Variants in CLDN5 observed in about 807,000 individuals in gnomAD.
CLDN5 encodes the protein claudin-5.
Under a neutral mutation model 1.3 loss-of-function variants are expected in CLDN5, and 4 were observed. The observed-to-expected ratio is 3.07, with a 90% confidence interval of 1.51 to 7.03. The LOEUF (loss-of-function observed/expected upper bound fraction) is 7.03, where lower values mean the gene tolerates loss of function less well. CLDN5 is among the 30% of genes most tolerant of loss of function. The pLI is 0.00. For synonymous variants in CLDN5, 156 were observed against 152.3 expected, an observed-to-expected ratio of 1.02 and a Z score of -0.18; for missense variants, 225 against 303.5, an observed-to-expected ratio of 0.74 and a Z score of 1.92.
chr22:19,524,035 C>T lies in CLDN5; in HGVS notation c.221G>A (p.Ser74Asn), dbSNP rs1025878210. ...CGCCCGCGCCGCCTGCACCTCGGTG[C>T]TCAGAGCCAGCACCGAGTCGTACAC... is the stretch of plus-strand genomic sequence containing the variant. The part of the protein sequence containing the change: ...CKVYDSVLAL[S>N]TEVQAARALT... The change falls in exon 1 of 1, where the codon AGC becomes AAC. Residue 74 changes from serine (S) to asparagine (N), a missense_variant. This residue lies in a region of CLDN5 where 165 missense variants were observed against 211.9 expected (regional missense o/e 0.78). Coordinates refer to ENST00000618236, the MANE Select transcript of CLDN5 (RefSeq NM_001363066.2). 3 of 1,600,494 alleles carry T rather than the reference C, an allele frequency of 1.9e-6. No homozygotes were observed. The highest frequency in any genetic ancestry group is 2.5e-6 in the Non-Finnish European group (3 of 1,178,668).
rs1180042967 is a variant in CLDN5 at position 19,524,296 on chromosome 22, C to A, written c.-41G>T. On this transcript the variant is annotated 5_prime_UTR_variant, in exon 1 of 1. Coordinates refer to ENST00000618236, the MANE Select transcript of CLDN5 (RefSeq NM_001363066.2). ...GCGCACCCGAAGGCCCGCAGAACCC[C>A]CAAGGCCGTGCTGCGCGGCGCCCTG... is the stretch of plus-strand genomic sequence containing the variant. The A allele has an allele frequency of 6.5e-7, 1 of 1,538,540 alleles. No individual in the cohort carries two copies. The highest frequency in any genetic ancestry group is 1.2e-5 in the South Asian group (1 of 83,404).
rs2095898547 is a variant in CLDN5 at position 19,524,395 on chromosome 22, AC to A, written c.-141del. On this transcript the variant is annotated 5_prime_UTR_variant, in exon 1 of 1. Transcript: ENST00000618236. ...TCCGTTTGCCCCGCGGGTCTGTCGC[AC>A]CTCCTGGGTCTGCCAGCTCCTGCCG... 37 of 1,456,802 alleles carry A rather than the reference AC, an allele frequency of 2.5e-5. No individual in the cohort carries two copies. The highest frequency in any genetic ancestry group is 3.4e-5 in the Non-Finnish European group (37 of 1,103,462). The allele number at this position is 1,456,802 out of a possible 1,614,324, so 90.2% of individuals were successfully genotyped here.
upstream of CLDN5, chr22:19,524,853 C>CCCT: frequency 3.5e-6 from 4 of 1,137,316 alleles, no homozygotes; most frequent in Non-Finnish European, 4.4e-6. Context: ...CCCGTCACCG[C>CCCT]CGTAGAGGCC....
Position 19,523,974 on chromosome 22 carries a change from C to G in CLDN5, c.282G>C (p.Ala94=). 2.5e-6 allele frequency: 4 copies of G among 1,587,448 alleles called. No homozygotes were observed. The highest frequency in any genetic ancestry group is 3.4e-6 in the Non-Finnish European group (4 of 1,172,832). Residue 94 remains alanine (A), a synonymous_variant, in exon 1 of 1, where the codon GCG becomes GCC. Transcript: ENST00000618236. ...TVSAVLLAFV[A]LFVTLAGAQC... is the part of the protein sequence containing the mutation. ...GCGCGCCCGCCAGGGTCACGAAGAG[C>G]GCAACGAACGCCAGCAGCACGGCGC...
At chr22:19,524,692 T>G, upstream of CLDN5, 1 of 1,296,118 alleles carries the variant, frequency 7.7e-7, no homozygotes, top group Non-Finnish European at 9.8e-7. Context: ...TTGGGCCGCC[T>G]CCCTGCGCGT....
upstream of CLDN5, chr22:19,524,706 G>A: frequency 7.7e-7 from 1 of 1,298,612 alleles, no homozygotes; most frequent in South Asian, 3.0e-5. Context: ...TGCGCGTCCC[G>A]GCCCCGTCAC....
chr22:19,523,369 A>G lies in CLDN5; in HGVS notation c.*230T>C. On this transcript the variant is annotated 3_prime_UTR_variant, in exon 1 of 1. Transcript: ENST00000618236. The stretch of plus-strand genomic sequence containing the variant: ...AACAGCGCCGCGCACAGAAAAGGAA[A>G]CTTCATTCCGTCTGTTAAGGGCAGG... 1.8e-6 allele frequency: 1 copy of G among 556,112 alleles called. No individual in the cohort carries two copies. 34.4% of individuals were successfully genotyped at this position (556,112 alleles called of 1,614,324 possible).
At chr22:19,525,251 C>T, upstream of CLDN5, 1 of 1,000,396 alleles carries the variant, frequency 1.0e-6, no homozygotes, top group Non-Finnish European at 1.2e-6. Flanking sequence ...AGGAAGTTCC[C>T]AGTGACCCAG....
rs774155075 is a variant in CLDN5 at position 19,523,758 on chromosome 22, G to A, written c.498C>T (p.Ile166=). The part of the protein sequence containing the change: ...QKYELGAALY[I]GWAATALLMV... ...TGAGCAGCGCGGTGGCCGCCCAGCC[G>A]ATGTACAGCGCTGCGCCCAGCTCGT... is the stretch of plus-strand genomic sequence containing the variant. The change falls in exon 1 of 1, where the codon ATC becomes ATT. Residue 166 remains isoleucine, a synonymous_variant. Coordinates refer to ENST00000618236, the MANE Select transcript of CLDN5 (RefSeq NM_001363066.2). The A allele has an allele frequency of 1.2e-5, 20 of 1,605,566 alleles. No individual in the cohort carries two copies. In the Admixed American group the frequency reaches 3.1e-4, roughly 25 times the overall value.
rs756694665 is a variant in CLDN5 at position 19,523,665 on chromosome 22, G to T, written c.591C>A (p.Pro197=). Residue 197 remains proline, a synonymous_variant, in exon 1 of 1, where the codon CCC becomes CCA. Coordinates refer to ENST00000618236, the MANE Select transcript of CLDN5 (RefSeq NM_001363066.2). ...GCCGCCGCGGCGCTGAGTACTTCAC[G>T]GGGAAGCTGAGGTCGGGACGGCCGG... is the stretch of plus-strand genomic sequence containing the variant. ...VCTGRPDLSF[P]VKYSAPRRPT... The T allele has an allele frequency of 3.1e-6, 5 of 1,607,194 alleles. No individual in the cohort carries two copies. Among genetic ancestry groups the T allele is most frequent in the Non-Finnish European group, 4.2e-6 (5 of 1,179,368 alleles).
rs972719448 is a variant in CLDN5, at chr22:19,523,480, C to T, written c.*119G>A. 1.1e-5 allele frequency: 15 copies of T among 1,382,724 alleles called. No individual in the cohort carries two copies. The African/African-American group carries it at 2.0e-4, about 18-fold the overall frequency. 85.7% of individuals were successfully genotyped at this position (1,382,724 alleles called of 1,614,324 possible). A position where few individuals can be genotyped will look rare whatever the true frequency, so the allele number is the denominator to read the frequency against. The stretch of plus-strand genomic sequence containing the variant: ...GCGTCGGGGCGCAGAGCCGGACGTT[C>T]CGAGGAGCCTGCGCGCCGCGCTACC... On this transcript the variant is annotated 3_prime_UTR_variant, in exon 1 of 1. Transcript: ENST00000618236.
upstream of CLDN5, chr22:19,524,495 T>C: frequency 7.0e-7 from 1 of 1,430,142 alleles, no homozygotes; most frequent in Non-Finnish European, 9.1e-7. Context: ...AAGCAGCCAA[T>C]CCGTGCGCGG....
Position 19,523,488 on chromosome 22 carries a change from C to G in CLDN5, c.*111G>C, listed in dbSNP as rs548053765. The G allele has an allele frequency of 5.0e-6, 7 of 1,409,046 alleles. No homozygotes were observed. The East Asian group carries it at 1.3e-4, about 26-fold the overall frequency. The allele number at this position is 1,409,046 out of a possible 1,614,324, so 87.3% of individuals were successfully genotyped here. On this transcript the variant is annotated 3_prime_UTR_variant, in exon 1 of 1. Coordinates refer to ENST00000618236, the MANE Select transcript of CLDN5 (RefSeq NM_001363066.2). ...GCGCAGAGCCGGACGTTCCGAGGAG[C>G]CTGCGCGCCGCGCTACCCGGCGGAA...
rs1171605246 is a variant in CLDN5 at position 19,524,382 on chromosome 22, G to A, written c.-127C>T. Reference sequence around the variant, plus strand: ...CTCTTGGCCCCAGTCCGTTTGCCCCGCGGGTCTGTCGCACCTCCTGGGTCT... The same window carrying A: ...CTCTTGGCCCCAGTCCGTTTGCCCCACGGGTCTGTCGCACCTCCTGGGTCT... On this transcript the variant is annotated 5_prime_UTR_variant, in exon 1 of 1. Transcript: ENST00000618236. The A allele has an allele frequency of 6.8e-7, 1 of 1,467,268 alleles. No individual in the cohort carries two copies. The highest frequency in any genetic ancestry group is 9.0e-7 in the Non-Finnish European group (1 of 1,108,528). The allele number at this position is 1,467,268 out of a possible 1,614,324, so 90.9% of individuals were successfully genotyped here.
At position 19,523,478 on chromosome 22, in the gene CLDN5, T is replaced by A; in HGVS notation, c.*121A>T. ...CCGCGTCGGGGCGCAGAGCCGGACG[T>A]TCCGAGGAGCCTGCGCGCCGCGCTA... On this transcript the variant is annotated 3_prime_UTR_variant, in exon 1 of 1. Coordinates refer to ENST00000618236, the MANE Select transcript of CLDN5 (RefSeq NM_001363066.2). The A allele has an allele frequency of 1.5e-6, 2 of 1,370,336 alleles. No individual in the cohort carries two copies. The highest frequency in any genetic ancestry group is 1.9e-6 in the Non-Finnish European group (2 of 1,043,596). The allele number at this position is 1,370,336 out of a possible 1,614,324, so 84.9% of individuals were successfully genotyped here. A position where few individuals can be genotyped will look rare whatever the true frequency, so the allele number is the denominator to read the frequency against.
upstream of CLDN5, chr22:19,525,205 C>T (rs1288969687): frequency 1.0e-6 from 1 of 1,000,468 alleles, no homozygotes; most frequent in African/African-American, 1.7e-5. Context: ...TGCCCGCACC[C>T]CATCCTTGGG....
At position 19,523,993 on chromosome 22, in the gene CLDN5, A is replaced by G. The variant is rs769938010; in HGVS notation, c.263T>C (p.Val88Ala). 4.0e-5 allele frequency: 63 copies of G among 1,588,900 alleles called. No individual in the cohort carries two copies. Among genetic ancestry groups the G allele is most frequent in the South Asian group, 3.1e-4 (28 of 89,788 alleles). The change falls in exon 1 of 1, where the codon GTG becomes GCG. Residue 88 changes from valine to alanine, a missense_variant. This residue lies in a region of CLDN5 where 165 missense variants were observed against 211.9 expected (regional missense o/e 0.78). Coordinates refer to ENST00000618236, the MANE Select transcript of CLDN5 (RefSeq NM_001363066.2). ...GAAGAGCGCAACGAACGCCAGCAGC[A>G]CGGCGCTCACGGTGAGCGCCCGCGC... ...QAARALTVSA[V>A]LLAFVALFVT...
At position 19,523,494 on chromosome 22, in the gene CLDN5, C is replaced by CGCCGCGCTACCCGGCGGAA; in HGVS notation, c.*86_*104dup. Reference sequence around the variant, plus strand: ...AGCCGGACGTTCCGAGGAGCCTGCGCGCCGCGCTACCCGGCGGAAGCCGCG... The same window carrying CGCCGCGCTACCCGGCGGAA: ...AGCCGGACGTTCCGAGGAGCCTGCGCGCCGCGCTACCCGGCGGAAGCCGCGCTACCCGGCGGAAGCCGCG... On this transcript the variant is annotated 3_prime_UTR_variant, in exon 1 of 1. Coordinates refer to ENST00000618236, the MANE Select transcript of CLDN5 (RefSeq NM_001363066.2). 7.0e-7 allele frequency: 1 copy of CGCCGCGCTACCCGGCGGAA among 1,429,162 alleles called. No homozygotes were observed. The highest frequency in any genetic ancestry group is 9.2e-7 in the Non-Finnish European group (1 of 1,090,736). 88.5% of individuals were successfully genotyped at this position (1,429,162 alleles called of 1,614,324 possible).
rs776557912 is a variant in CLDN5, at chr22:19,523,561, C to T, written c.*38G>A. The T allele has an allele frequency of 7.9e-6, 12 of 1,522,942 alleles. No individual in the cohort carries two copies. Among genetic ancestry groups the T allele is most frequent in the Non-Finnish European group, 9.6e-6 (11 of 1,142,878 alleles). The allele number at this position is 1,522,942 out of a possible 1,614,324, so 94.3% of individuals were successfully genotyped here. A position where few individuals can be genotyped will look rare whatever the true frequency, so the allele number is the denominator to read the frequency against. On this transcript the variant is annotated 3_prime_UTR_variant, in exon 1 of 1. Transcript: ENST00000618236. The stretch of plus-strand genomic sequence containing the variant: ...CCAGGCTTATCCAACGCCTCGCAGG[C>T]GTGGCTGGCAGGAGGGGCCCGGCCG...
Sources: allele counts gnomAD v4.1 joint callset, GRCh38; gene constraint gnomAD v4.1.1; regional missense constraint gnomAD v4.1.1; transcripts MANE v1.5; gene names NCBI Gene and HGNC (gene_info 2026-07-23, HGNC 2026-07-21).